AGBL4: variants seen among roughly 807,000 people sequenced by gnomAD.
The protein encoded by AGBL4 is AGBL carboxypeptidase 4, also known as cytosolic carboxypeptidase 6.
In AGBL4, 58 loss-of-function variants were observed where a neutral mutation model predicts 66.4. The ratio of observed to expected loss-of-function variants is 0.87; its 90% confidence interval spans 0.71 to 1.09. AGBL4 has a LOEUF of 1.09. Among genes scored for constraint, AGBL4 ranks in the 50% least tolerant of loss-of-function variants. AGBL4 has a pLI of 0.00. For synonymous variants in AGBL4, 234 were observed against 222.9 expected (o/e 1.05, Z -0.44); for missense variants, 579 against 631.0 (o/e 0.92, Z 0.88).
At chr1:49,631,828 T>C (rs773730428) in intron 3 of AGBL4, among the ~76,000 whole-genome samples, 63 of 152,134 alleles carry the variant, frequency 4.1e-4, no homozygotes, top group Non-Finnish European at 3.4e-4. Flanking sequence ...ATCAAATCAA[T>C]AGGAAGTCCT....
chr1:49,750,532 T>C (rs912153557), intron 2 of AGBL4, among the ~76,000 whole-genome samples: 1 of 152,186 alleles, frequency 6.6e-6, no homozygotes, highest in Non-Finnish European at 1.5e-5. Flanking sequence ...GTGTGATGCC[T>C]CCAGCATTGT....
At chr1:49,701,854 T>C (rs1647100482) in intron 2 of AGBL4, among the ~76,000 whole-genome samples, 1 of 152,110 alleles carries the variant, frequency 6.6e-6, no homozygotes, top group African/African-American at 2.4e-5. Flanking sequence ...AAATGGCATT[T>C]GTCGTTTTAA....
At chr1:48,911,611 C>T (rs1570982631) in intron 5 of AGBL4, among the ~76,000 whole-genome samples, 2 of 140,596 alleles carry the variant, frequency 1.4e-5, no homozygotes, top group African/African-American at 2.7e-5. Context: ...CTGAGCAAAA[C>T]TCCGTCTCAA....
chr1:49,231,216 A>G (rs1650284222), intron 4 of AGBL4, among the ~76,000 whole-genome samples: 1 of 152,212 alleles, frequency 6.6e-6, no homozygotes, highest in African/African-American at 2.4e-5. Context: ...AAAGTTACAC[A>G]AATTGCTCAG....
intron 3 of AGBL4, among the ~76,000 whole-genome samples, chr1:49,399,484 C>T (rs1418798959): frequency 6.6e-6 from 1 of 152,148 alleles, no homozygotes; most frequent in Non-Finnish European, 1.5e-5. Context: ...GTTCCCTTTT[C>T]TCTACATCCT....
At chr1:48,872,735 A>G (rs987370136) in intron 5 of AGBL4, among the ~76,000 whole-genome samples, 18 of 152,194 alleles carry the variant, frequency 1.2e-4, no homozygotes, top group African/African-American at 4.1e-4. Flanking sequence ...CAGACAGACA[A>G]AGGTGAATTC....
intron 4 of AGBL4, among the ~76,000 whole-genome samples, chr1:49,145,267 A>G (rs1052772015): frequency 6.6e-6 from 1 of 152,074 alleles, no homozygotes; most frequent in Non-Finnish European, 1.5e-5. Context: ...ACCCTATCCC[A>G]TGGCTCTGCT....
chr1:49,801,829 CA>C (rs911332384), intron 2 of AGBL4, among the ~76,000 whole-genome samples: 13 of 152,106 alleles, frequency 8.5e-5, no homozygotes, highest in Non-Finnish European at 1.9e-4. Context: ...AATCCTTATT[CA>C]AAAAATGTCT....
At chr1:49,598,734 T>G (rs559332300) in intron 3 of AGBL4, among the ~76,000 whole-genome samples, 1 of 152,170 alleles carries the variant, frequency 6.6e-6, no homozygotes, top group Non-Finnish European at 1.5e-5. Flanking sequence ...GGAGAACCAC[T>G]GCTCTCTTCA....
Position 49,059,877 on chromosome 1 carries a change from AC to A in AGBL4, c.378-14078del, listed in dbSNP as rs764692935. ...TCTCCCATTTGGAAGGGGTATATTTACCCAATGTCTGTACCCCCAGTGTATC... is the reference window on the plus strand; with the variant it reads ...TCTCCCATTTGGAAGGGGTATATTTACCAATGTCTGTACCCCCAGTGTATC... On this transcript the variant is annotated intron_variant, in intron 4 of 13. Transcript: ENST00000371839. Among the ~76,000 whole-genome samples the A allele has an allele frequency of 1.3e-4, 20 of 152,196 alleles. No homozygotes were observed. The East Asian group carries it at 2.1e-3, about 16-fold the overall frequency.
rs1245076766 is a variant in AGBL4, at chr1:49,024,364, CCCATTATA to C, written c.594+21212_594+21219del. 1.0e-3 allele frequency among the ~76,000 whole-genome samples: 157 copies of C among 152,256 alleles called. 4 individuals are homozygous for C. Among genetic ancestry groups the C allele is most frequent in the Non-Finnish European group, 8.8e-5 (6 of 68,010 alleles). ...ACATCTCCAATATGCCATGCTCTCA[CCCATTATA>C]TACCCTGTAAGATAGAGTTCAAACG... On this transcript the variant is annotated intron_variant, in intron 5 of 13. Coordinates refer to ENST00000371839, the MANE Select transcript of AGBL4 (RefSeq NM_032785.4).
intron 3 of AGBL4, among the ~76,000 whole-genome samples, chr1:49,248,957 G>A (rs1041288862): frequency 6.6e-6 from 1 of 152,056 alleles, no homozygotes; most frequent in Non-Finnish European, 1.5e-5. Flanking sequence ...CTAAGAGTAG[G>A]TATAACCTTC....
At chr1:49,876,126 T>C (rs1193895448) in intron 1 of AGBL4, among the ~76,000 whole-genome samples, 17 of 149,752 alleles carry the variant, frequency 1.1e-4, no homozygotes, top group African/African-American at 4.2e-4. Flanking sequence ...ACTCTGACGG[T>C]AGTTTCTTTT....
At chr1:49,350,003 T>G (rs1397918943) in intron 3 of AGBL4, among the ~76,000 whole-genome samples, 1 of 152,130 alleles carries the variant, frequency 6.6e-6, no homozygotes, top group Non-Finnish European at 1.5e-5. Flanking sequence ...TCCAGAATGG[T>G]GAGAAAATAA....
intron 1 of AGBL4, among the ~76,000 whole-genome samples, chr1:49,866,241 T>A (rs1024924131): frequency 8.6e-5 from 13 of 151,986 alleles, no homozygotes; most frequent in Admixed American, 8.5e-4. Flanking sequence ...AACATTCAAA[T>A]TCAGAAAATA....
chr1:49,982,690 T>A (rs1659161784), intron 1 of AGBL4, among the ~76,000 whole-genome samples: 1 of 152,092 alleles, frequency 6.6e-6, no homozygotes, highest in South Asian at 2.1e-4. Flanking sequence ...TGGCCGCCCA[T>A]GAACCAATCA....
At chr1:48,954,414 G>A (rs1657261157) in intron 5 of AGBL4, among the ~76,000 whole-genome samples, 1 of 152,170 alleles carries the variant, frequency 6.6e-6, no homozygotes. Context: ...TTAAACACTT[G>A]TTGAATGCTA....
chr1:49,466,118 T>C (rs1299286474), intron 3 of AGBL4, among the ~76,000 whole-genome samples: 1 of 151,872 alleles, frequency 6.6e-6, no homozygotes, highest in Non-Finnish European at 1.5e-5. Context: ...CAATAGTGGC[T>C]TTCCAATGAT....
At chr1:48,576,650 C>A (rs576433206) in intron 11 of AGBL4, among the ~76,000 whole-genome samples, 1 of 152,256 alleles carries the variant, frequency 6.6e-6, no homozygotes, top group Admixed American at 6.5e-5. Flanking sequence ...CCCTTTCCAA[C>A]CTGATGCCTC....
Sources: allele counts gnomAD v4.1 joint callset (sites outside exome capture counted in the v4.1 genomes callset), GRCh38; gene constraint gnomAD v4.1.1; transcripts MANE v1.5; gene names NCBI Gene and HGNC (gene_info 2026-07-23, HGNC 2026-07-21).